Variants in SMARCC2 observed in about 807,000 individuals in gnomAD.
SMARCC2 encodes SWI/SNF related BAF chromatin remodeling complex subunit C2.
A neutral mutation model predicts 151.3 loss-of-function variants in SMARCC2; 15 were observed. That is an observed-to-expected ratio of 0.10 (90% CI 0.07 to 0.15). SMARCC2 has a LOEUF of 0.15. SMARCC2 is among the 10% of genes least tolerant of loss of function. The pLI is 1.00. For missense variants in SMARCC2, 1,031 were observed against 1,599.7 expected, an observed-to-expected ratio of 0.64 and a Z score of 6.06; for synonymous variants, 590 against 609.5, an observed-to-expected ratio of 0.97 and a Z score of 0.47.
intron 1 of SMARCC2, among the ~76,000 whole-genome samples, chr12:56,188,790 G>C (rs1320311544): frequency 6.6e-6 from 1 of 152,188 alleles, no homozygotes; most frequent in Admixed American, 6.5e-5. Flanking sequence ...CTTAGATGAA[G>C]GTGGGGGATG....
At chr12:56,182,751 C>T (rs894589783) in intron 7 of SMARCC2, among the ~76,000 whole-genome samples, 6 of 147,888 alleles carry the variant, frequency 4.1e-5, no homozygotes, top group African/African-American at 1.5e-4. Context: ...GCTACTGTGC[C>T]TGGTCCACAA....
In SMARCC2 at chr12:56,170,153, C is replaced by T. The variant is rs759365915; in HGVS notation, c.2403G>A (p.Lys801=). Residue 801 remains lysine, a synonymous_variant, in exon 23 of 29, where the codon AAG becomes AAA. Coordinates refer to ENST00000550164, the MANE Select transcript of SMARCC2 (RefSeq NM_001330288.2). ...AGAAATCCCTCTATACCTTGGGCTC[C>T]TTCTTCTCATCTGTGGCCTGGCCTT... ...RVEGQATDEK[K]EPKEPREGGG... The T allele has an allele frequency of 3.1e-6, 5 of 1,613,380 alleles. No individual in the cohort carries two copies. The highest frequency in any genetic ancestry group is 4.2e-6 in the Non-Finnish European group (5 of 1,179,424).
rs138145100 is a variant in SMARCC2 at position 56,169,604 on chromosome 12, C to T, written c.2640G>A (p.Val880=). The change falls in exon 25 of 29, where the codon GTG becomes GTA. Residue 880 remains valine (V), a synonymous_variant. Transcript: ENST00000550164. The stretch of plus-strand genomic sequence containing the variant: ...GGTTGCCCTCGCCAATGTCCCGCTC[C>T]ACCTTTGTCTTCCTTTCCCCCTCAG... The part of the protein sequence containing the change: ...VESEGERKTK[V]ERDIGEGNLS... 1.7e-5 allele frequency: 28 copies of T among 1,614,080 alleles called. No homozygotes were observed. Among genetic ancestry groups the T allele is most frequent in the Non-Finnish European group, 2.3e-5 (27 of 1,179,968 alleles).
In SMARCC2 at chr12:56,164,339, G is replaced by T. The variant is rs755144077; in HGVS notation, c.3625C>A (p.Gln1209Lys). 4.3e-6 allele frequency: 7 copies of T among 1,613,440 alleles called. No individual in the cohort carries two copies. Among genetic ancestry groups the T allele is most frequent in the Non-Finnish European group, 4.2e-6 (5 of 1,179,986 alleles). The change falls in exon 28 of 29, where the codon CAG becomes AAG. Residue 1209 changes from glutamine (Q) to lysine (K), a missense_variant. Gln to Lys is a moderately conservative substitution (Grantham distance 53). Coordinates refer to ENST00000550164, the MANE Select transcript of SMARCC2 (RefSeq NM_001330288.2). ...AQSPAIVAAV[Q>K]GNLLPSASPL... ...CTGGCACTGGGCAGGAGGTTGCCCT[G>T]AACAGCTGCCACAATGGCAGGGCTT...
At position 56,169,843 on chromosome 12, in the gene SMARCC2, C is replaced by T. The variant is rs781742116; in HGVS notation, c.2481G>A (p.Lys827=). The T allele has an allele frequency of 6.2e-7, 1 of 1,614,066 alleles. No individual in the cohort carries two copies. The highest frequency in any genetic ancestry group is 1.3e-5 in the African/African-American group (1 of 75,016). ...AKEKTSEAPK[K]DEEKGKEGDS... ...CGCCTTCTTTCCCTTTCTCCTCATCCTTCTTGGGAGCCTCGCTGGTTTTCT... is the reference window on the plus strand; with the variant it reads ...CGCCTTCTTTCCCTTTCTCCTCATCTTTCTTGGGAGCCTCGCTGGTTTTCT... Residue 827 remains lysine, a synonymous_variant, in exon 24 of 29, where the codon AAG becomes AAA. Coordinates refer to ENST00000550164, the MANE Select transcript of SMARCC2 (RefSeq NM_001330288.2).
At chr12:56,177,292 T>C (rs185021296) in intron 15 of SMARCC2, among the ~76,000 whole-genome samples, 29 of 152,306 alleles carry the variant, frequency 1.9e-4, no homozygotes, top group African/African-American at 7.0e-4. Flanking sequence ...TCAGCCAGGC[T>C]GGAGAGCAGT....
At position 56,164,852 on chromosome 12, in the gene SMARCC2, G is replaced by C. The variant is rs555736517; in HGVS notation, c.3233-121C>G. 8.2e-6 allele frequency: 7 copies of C among 854,828 alleles called. No individual in the cohort carries two copies. The African/African-American group carries it at 1.0e-4, about 13-fold the overall frequency. The allele number at this position is 854,828 out of a possible 1,614,324, so 53.0% of individuals were successfully genotyped here. ...TCACCAGGCTGGAGTGCAGTGGCACGATCTTGGCTCACTGCAACCTCCGCC... is the reference window on the plus strand; with the variant it reads ...TCACCAGGCTGGAGTGCAGTGGCACCATCTTGGCTCACTGCAACCTCCGCC... On this transcript the variant is annotated intron_variant, in intron 27 of 28. Coordinates refer to ENST00000550164, the MANE Select transcript of SMARCC2 (RefSeq NM_001330288.2).
In SMARCC2 at chr12:56,185,190, G is replaced by C; in HGVS notation, c.318-79C>G. The C allele has an allele frequency of 3.4e-6, 4 of 1,170,638 alleles. No individual in the cohort carries two copies. The East Asian group carries it at 7.1e-5, about 21-fold the overall frequency. 72.5% of individuals were successfully genotyped at this position (1,170,638 alleles called of 1,614,324 possible). A position where few individuals can be genotyped will look rare whatever the true frequency, so the allele number is the denominator to read the frequency against. On this transcript the variant is annotated intron_variant, in intron 3 of 28. Coordinates refer to ENST00000550164, the MANE Select transcript of SMARCC2 (RefSeq NM_001330288.2). The stretch of plus-strand genomic sequence containing the variant: ...GTGAGGGCACGTGACTTTTTTGTTT[G>C]TTTTTTGAGATGGAGTCTTGCTCTG...
At chr12:56,183,736 G>C in intron 7 of SMARCC2, 125 bp downstream of exon 7, 1 of 629,056 alleles carries the variant, frequency 1.6e-6, no homozygotes, top group Non-Finnish European at 2.8e-6. Context: ...CTTACTAGGT[G>C]AGAGGAAAAC....
At chr12:56,181,969 CT>C in intron 8 of SMARCC2, 34 bp downstream of exon 8, 2 of 1,593,572 alleles carry the variant, frequency 1.3e-6, no homozygotes, top group South Asian at 1.1e-5. Context: ...TCCTGGCATT[CT>C]TTTTGGGGAA....
chr12:56,175,300 T>G (rs1181453120), intron 15 of SMARCC2, among the ~76,000 whole-genome samples: 1 of 152,168 alleles, frequency 6.6e-6, no homozygotes. Flanking sequence ...CATGAGCCAC[T>G]GCACCTAGCC....
intron 11 of SMARCC2, among the ~76,000 whole-genome samples, chr12:56,180,514 C>T (rs566788748): frequency 6.6e-6 from 1 of 152,050 alleles, no homozygotes; most frequent in Admixed American, 6.6e-5. Context: ...AGCAATTCTC[C>T]TGCCTCGGTC....
chr12:56,178,242 G>T, intron 14 of SMARCC2, 149 bp from the exon 15 acceptor site: 1 of 930,372 alleles, frequency 1.1e-6, no homozygotes, highest in South Asian at 1.6e-5. Flanking sequence ...CAGGCTGTAA[G>T]ACTCAAAAGG....
intron 25 of SMARCC2, 24 bp downstream of exon 25, chr12:56,169,505 G>GT: frequency 6.2e-7 from 1 of 1,611,068 alleles, no homozygotes; most frequent in Admixed American, 1.7e-5. Context: ...TTTCTTCCCT[G>GT]AGGTCTTCAA....
intron 26 of SMARCC2, among the ~76,000 whole-genome samples, chr12:56,166,590 C>A (rs949957678): frequency 6.7e-6 from 1 of 149,104 alleles, no homozygotes. Flanking sequence ...ATTTCTTTTT[C>A]TTCTTTTTTT....
At position 56,181,073 on chromosome 12, in the gene SMARCC2, G is replaced by A; in HGVS notation, c.985C>T (p.Arg329Cys). ...GPSTPYTKSK[R>C]GHREEEQEDL... The stretch of plus-strand genomic sequence containing the variant: ...TCTTGCTCCTCTTCTCTGTGGCCAC[G>A]CTTTGACTTAGTGTAAGGTGTTGAG... The change falls in exon 11 of 29, where the codon CGT becomes TGT. Residue 329 changes from arginine (R) to cysteine (C), a missense_variant. By Grantham distance (180) the Arg-to-Cys change is radical (BLOSUM62 -3). Around this residue, in one of 12 missense-constraint regions of SMARCC2, gnomAD observed 127 missense variants for 141.7 expected, o/e 0.90. Transcript: ENST00000550164. 1 of 1,613,838 alleles carries A rather than the reference G, an allele frequency of 6.2e-7. No homozygotes were observed. The highest frequency in any genetic ancestry group is 8.5e-7 in the Non-Finnish European group (1 of 1,179,880).
At chr12:56,174,587 T>G in intron 16 of SMARCC2, 64 bp downstream of exon 16, 1 of 1,053,780 alleles carries the variant, frequency 9.5e-7, no homozygotes, top group South Asian at 1.3e-5. Context: ...TCTCTACTGT[T>G]GCCAAAACAC....
At chr12:56,173,654 A>C (rs1190920824) in intron 17 of SMARCC2, 42 bp downstream of exon 17, 4 of 1,550,102 alleles carry the variant, frequency 2.6e-6, no homozygotes, top group African/African-American at 1.4e-5. Flanking sequence ...AAAGAAGCCC[A>C]ATCTTCCCAA....
rs938409184 is a variant in SMARCC2, at chr12:56,185,274, G to T, written c.318-163C>A. 1.4e-4 allele frequency: 83 copies of T among 602,750 alleles called. No homozygotes were observed. In the African/African-American group the frequency reaches 1.4e-3, roughly 10 times the overall value. The allele number at this position is 602,750 out of a possible 1,614,324, so 37.3% of individuals were successfully genotyped here. A position where few individuals can be genotyped will look rare whatever the true frequency, so the allele number is the denominator to read the frequency against. On this transcript the variant is annotated intron_variant, in intron 3 of 28. Transcript: ENST00000550164. ...GCTCACTGCAACCTCTGCCTCCCAG[G>T]TTCAAGCAATTCTCCTGTCTCAGCC...
Sources: gnomAD v4.1 joint callset for allele counts (sites outside exome capture counted in the v4.1 genomes callset) on GRCh38, gnomAD v4.1.1 for gene constraint, gnomAD v4.1.1 regional missense constraint, MANE v1.5 for transcripts, NCBI Gene and HGNC (gene_info 2026-07-23, HGNC 2026-07-21) for gene names.